GLUD1: variants seen among roughly 807,000 people sequenced by gnomAD.
GLUD1 encodes glutamate dehydrogenase 1, also known as glutamate dehydrogenase 1, mitochondrial.
Under a neutral mutation model 56.0 loss-of-function variants are expected in GLUD1, and 22 were observed. The ratio of observed to expected loss-of-function variants is 0.39; its 90% confidence interval spans 0.28 to 0.56. GLUD1 has a LOEUF of 0.56. Ranked by LOEUF, GLUD1 falls within the 20% of genes least tolerant of loss-of-function variation. The pLI is 0.58. For synonymous variants in GLUD1, 223 were observed against 269.9 expected, an observed-to-expected ratio of 0.83 and a Z score of 1.70; for missense variants, 451 against 732.0, an observed-to-expected ratio of 0.62 and a Z score of 4.43.
Position 87,094,835 on chromosome 10 carries a change from A to T in GLUD1, c.-66T>A. The T allele has an allele frequency of 7.8e-7, 1 of 1,281,886 alleles. No homozygotes were observed. The allele number at this position is 1,281,886 out of a possible 1,614,324, so 79.4% of individuals were successfully genotyped here. On this transcript the variant is annotated 5_prime_UTR_variant, in exon 1 of 13. Coordinates refer to ENST00000277865, the MANE Select transcript of GLUD1 (RefSeq NM_005271.5). This position sits in a 1 kb window ranked among gnomAD's most constrained non-coding sequence, Gnocchi z 6.6. The stretch of plus-strand genomic sequence containing the variant: ...GGCGCGCTTTCTCAGACTCCCCGCG[A>T]CTAGGGAGGAAGGGTCCCGCGCGGG...
rs571228987 is a variant in GLUD1 at position 87,073,775 on chromosome 10, C to T, written c.646+776G>A. 4.6e-5 allele frequency among the ~76,000 whole-genome samples: 7 copies of T among 151,952 alleles called. No individual in the cohort carries two copies. The South Asian group carries it at 6.2e-4, about 14-fold the overall frequency. Reference sequence around the variant, plus strand: ...CTGGGACTACAGGCACTCGCGACCACGCCTGGCAAATTTTTTGTGTTTTTA... The same window carrying T: ...CTGGGACTACAGGCACTCGCGACCATGCCTGGCAAATTTTTTGTGTTTTTA... On this transcript the variant is annotated intron_variant, in intron 4 of 12. Transcript: ENST00000277865.
Position 87,060,745 on chromosome 10 carries a change from G to A in GLUD1, c.1140C>T (p.Ile380=), listed in dbSNP as rs1360555098. The A allele has an allele frequency of 1.2e-6, 2 of 1,614,030 alleles. No individual in the cohort carries two copies. The highest frequency in any genetic ancestry group is 1.1e-5 in the South Asian group (1 of 91,082). Reference sequence around the variant, plus strand: ...TCAACTGCTTCTCACTGGCAGCTGGGATCAGTATGTCACAGTCGGCCTCCA... The same window carrying A: ...TCAACTGCTTCTCACTGGCAGCTGGAATCAGTATGTCACAGTCGGCCTCCA... ...SILEADCDIL[I]PAASEKQLTK... is the part of the protein sequence containing the mutation. Residue 380 remains isoleucine, a synonymous_variant, in exon 8 of 13, where the codon ATC becomes ATT. Coordinates refer to ENST00000277865, the MANE Select transcript of GLUD1 (RefSeq NM_005271.5).
chr10:87,083,938 G>A, intron 1 of GLUD1, among the ~76,000 whole-genome samples: 1 of 152,202 alleles, frequency 6.6e-6, no homozygotes, highest in Non-Finnish European at 1.5e-5. Context: ...AGGAATGAAG[G>A]TAAATACTTT....
In GLUD1 at chr10:87,061,016, A is replaced by C; in HGVS notation, c.958T>G (p.Leu320Val). ...GNVGLHSMRY[L>V]HRFGAKCIAV... ...ATACATTTAGCACCAAAACGATGTA[A>C]ATATCTCATAGAGTGTAGGCCCACA... The change falls in exon 7 of 13, where the codon TTA becomes GTA. Residue 320 changes from leucine to valine, a missense_variant. Physicochemically the swap from Leu to Val is conservative, Grantham distance 32. This residue lies in a region of GLUD1 where 248 missense variants were observed against 460.0 expected (regional missense o/e 0.54). Coordinates refer to ENST00000277865, the MANE Select transcript of GLUD1 (RefSeq NM_005271.5). 6.2e-7 allele frequency: 1 copy of C among 1,613,940 alleles called. No individual in the cohort carries two copies. The highest frequency in any genetic ancestry group is 8.5e-7 in the Non-Finnish European group (1 of 1,179,816).
In GLUD1 at chr10:87,051,754, T is replaced by A. The variant is rs562094308; in HGVS notation, c.1674A>T (p.Thr558=). 6.2e-7 allele frequency: 1 copy of A among 1,612,494 alleles called. No individual in the cohort carries two copies. The highest frequency in any genetic ancestry group is 2.2e-5 in the East Asian group (1 of 44,888). ...GAGGAAGTCAGCCATGATCCATCTA[T>A]GTGAAGGTCACACCAGCTTCATTGT... The part of the protein sequence containing the change: ...KVYNEAGVTF[T] The change falls in exon 13 of 13, where the codon ACA becomes ACT. Residue 558 remains threonine (T), a synonymous_variant. Coordinates refer to ENST00000277865, the MANE Select transcript of GLUD1 (RefSeq NM_005271.5).
In GLUD1 at chr10:87,061,079, A is replaced by G. The variant is rs1474970418; in HGVS notation, c.922-27T>C. On this transcript the variant is annotated intron_variant, in intron 6 of 12. Transcript: ENST00000277865. ...TGTGAAGAACAATTACCCATAACAC[A>G]AAAATTAAAGTCCTGGTATAGACAG... 3 of 1,607,254 alleles carry G rather than the reference A, an allele frequency of 1.9e-6. No individual in the cohort carries two copies. The African/African-American group carries it at 4.0e-5, about 21-fold the overall frequency.
rs574132691 is a variant in GLUD1 at position 87,059,027 on chromosome 10, A to G, written c.1402+123T>C. 4.3e-6 allele frequency: 5 copies of G among 1,155,074 alleles called. No individual in the cohort carries two copies. In the South Asian group the frequency reaches 5.0e-5, roughly 12 times the overall value. The allele number at this position is 1,155,074 out of a possible 1,614,324, so 71.6% of individuals were successfully genotyped here. A position where few individuals can be genotyped will look rare whatever the true frequency, so the allele number is the denominator to read the frequency against. ...TGGTCTAAGTTTCATGAGACAAAAT[A>G]TTATTTTCTTTTCTGAGACTCAATT... On this transcript the variant is annotated intron_variant, in intron 10 of 12. Coordinates refer to ENST00000277865, the MANE Select transcript of GLUD1 (RefSeq NM_005271.5).
intron 4 of GLUD1, 94 bp from the exon 5 acceptor site, chr10:87,068,251 T>C: frequency 2.6e-6 from 2 of 759,716 alleles, no homozygotes; most frequent in Admixed American, 4.0e-5. Context: ...ATAACCAAGT[T>C]ACCATGGCTA....
At position 87,053,363 on chromosome 10, in the gene GLUD1, G is replaced by A; in HGVS notation, c.1536C>T (p.Tyr512=). 6.2e-7 allele frequency: 1 copy of A among 1,611,582 alleles called. No homozygotes were observed. The highest frequency in any genetic ancestry group is 1.7e-5 in the Admixed American group (1 of 60,020). Residue 512 remains tyrosine (Y), a synonymous_variant, in exon 12 of 13, where the codon TAC becomes TAT. Transcript: ENST00000277865. ...ATACCCTGGCAGAACGCTCCATTGT[G>A]TATGCCAAGCCAGAGTGCACGATGT... ...EKDIVHSGLA[Y]TMERSARQIM...
chr10:87,090,266 T>C (rs1376785110), intron 1 of GLUD1, among the ~76,000 whole-genome samples: 5 of 152,230 alleles, frequency 3.3e-5, no homozygotes. Flanking sequence ...TCCCACTATA[T>C]GCCAAAAGTT....
chr10:87,074,325 G>A (rs2146720), intron 4 of GLUD1, among the ~76,000 whole-genome samples: 54,748 of 151,808 alleles, frequency 0.36, 11,437 homozygotes, highest in East Asian at 0.69. Context: ...ACATGGCAAA[G>A]CCCCATCTCC....
chr10:87,076,737 A>G, intron 1 of GLUD1, 81 bp from the exon 2 acceptor site: 2 of 846,212 alleles, frequency 2.4e-6, no homozygotes, highest in Non-Finnish European at 4.2e-6. Flanking sequence ...GTAAGCTTCA[A>G]AAAAGAAAGC....
At chr10:87,090,367 C>T (rs1841481973) in intron 1 of GLUD1, among the ~76,000 whole-genome samples, 1 of 152,120 alleles carries the variant, frequency 6.6e-6, no homozygotes, top group Admixed American at 6.5e-5. Flanking sequence ...TTTTGATGCC[C>T]TAATTCTTAC....
chr10:87,080,270 C>T (rs1306984370), intron 1 of GLUD1, among the ~76,000 whole-genome samples: 5 of 151,828 alleles, frequency 3.3e-5, no homozygotes, highest in Non-Finnish European at 4.4e-5. Flanking sequence ...AGTGCAGTGG[C>T]GTGATCTCGG....
intron 10 of GLUD1, 77 bp downstream of exon 10, chr10:87,059,073 C>T (rs1845863265): frequency 1.3e-6 from 2 of 1,526,144 alleles, no homozygotes; most frequent in Admixed American, 3.3e-5. Flanking sequence ...GGGATCAGTT[C>T]TCTTAAGTGG....
rs1346112244 is a variant in GLUD1 at position 87,082,344 on chromosome 10, T to C, written c.446-5688A>G. ...CTGTGTGTGTATAACAAAAGACATGTTCCGCTGGATGGAACCCAGGAATTC... is the reference window on the plus strand; with the variant it reads ...CTGTGTGTGTATAACAAAAGACATGCTCCGCTGGATGGAACCCAGGAATTC... On this transcript the variant is annotated intron_variant, in intron 1 of 12. Transcript: ENST00000277865. 2.0e-5 allele frequency among the ~76,000 whole-genome samples: 3 copies of C among 152,336 alleles called. No homozygotes were observed. In the East Asian group the frequency reaches 5.8e-4, roughly 29 times the overall value.
At chr10:87,080,707 G>A in intron 1 of GLUD1, among the ~76,000 whole-genome samples, 1 of 145,860 alleles carries the variant, frequency 6.9e-6, no homozygotes, top group African/African-American at 2.6e-5. Context: ...CCCGGCAACC[G>A]CCCCGTCTGA....
chr10:87,091,314 C>T (rs1394827788), intron 1 of GLUD1, among the ~76,000 whole-genome samples: 1 of 152,108 alleles, frequency 6.6e-6, no homozygotes, highest in Non-Finnish European at 1.5e-5. Context: ...TCAATCTGTA[C>T]TTTCCCTCCA....
chr10:87,066,093 A>G (rs1283331006), intron 5 of GLUD1, among the ~76,000 whole-genome samples: 4 of 152,106 alleles, frequency 2.6e-5, no homozygotes, highest in African/African-American at 9.7e-5. Flanking sequence ...AGCATTGTCT[A>G]TCTCTTGCAC....
Sources: allele counts gnomAD v4.1 joint callset (sites outside exome capture counted in the v4.1 genomes callset), GRCh38; gene constraint gnomAD v4.1.1; regional missense constraint gnomAD v4.1.1; non-coding constraint Gnocchi (gnomAD v3.1); transcripts MANE v1.5; gene names NCBI Gene and HGNC (gene_info 2026-07-23, HGNC 2026-07-21).